PDCD6: variants seen among roughly 807,000 people sequenced by gnomAD.
PDCD6 encodes programmed cell death 6.
In PDCD6, 12 loss-of-function variants were observed where a neutral mutation model predicts 28.3. The ratio of observed to expected loss-of-function variants is 0.42; its 90% CI spans 0.27 to 0.69. The LOEUF is 0.69. Among genes scored for constraint, PDCD6 ranks in the 30% least tolerant of loss-of-function variants. The probability of loss-of-function intolerance (pLI) is 0.22; values close to 1 mark genes in which losing one functional copy is unlikely to be tolerated. For synonymous variants in PDCD6, 92 were observed against 108.0 expected (o/e 0.85, Z 0.92); for missense variants, 226 against 269.9 (o/e 0.84, Z 1.14).
chr5:287,749 T>G (rs1180441776), intron 2 of PDCD6, among the ~76,000 whole-genome samples: 2 of 152,232 alleles, frequency 1.3e-5, no homozygotes, highest in Non-Finnish European at 2.9e-5. Context: ...TATGCACCCC[T>G]AAAGCTTCAG....
Position 307,624 on chromosome 5 carries a change from G to T in PDCD6, c.367+864G>T, listed in dbSNP as rs1001313473. Among the ~76,000 whole-genome samples the T allele has an allele frequency of 1.3e-5, 2 of 152,208 alleles. No individual in the cohort carries two copies. Among genetic ancestry groups the T allele is most frequent in the African/African-American group, 4.8e-5 (2 of 41,464 alleles). ...GCATGTTTGGGGCCAGCCTGAGGCTGTTGGTGGCTGCACCGAGATTCTAAT... is the reference window on the plus strand; with the variant it reads ...GCATGTTTGGGGCCAGCCTGAGGCTTTTGGTGGCTGCACCGAGATTCTAAT... On this transcript the variant is annotated intron_variant, in intron 4 of 5. Coordinates refer to ENST00000264933, the MANE Select transcript of PDCD6 (RefSeq NM_013232.4). The surrounding 1 kb of genome is among the most constrained non-coding windows in gnomAD (Gnocchi z 6.1).
intron 2 of PDCD6, among the ~76,000 whole-genome samples, chr5:288,052 A>G (rs1389966325): frequency 2.0e-5 from 3 of 152,144 alleles, no homozygotes; most frequent in Non-Finnish European, 4.4e-5. Context: ...CCTCAGAAGT[A>G]TACAAAAGAA....
At chr5:289,822 A>G (rs1169667859) in intron 2 of PDCD6, 5 of 1,331,696 alleles carry the variant, frequency 3.8e-6, no homozygotes, top group Non-Finnish European at 5.4e-6. Flanking sequence ...AGGCCCATTT[A>G]CATTAGACCT....
intron 2 of PDCD6, among the ~76,000 whole-genome samples, chr5:285,494 C>T (rs1380110568): frequency 7.7e-6 from 1 of 129,230 alleles, no homozygotes; most frequent in African/African-American, 3.0e-5. Context: ...TTCCAGTTTG[C>T]AGGCCGTGCA....
intron 2 of PDCD6, among the ~76,000 whole-genome samples, chr5:284,850 A>G (rs1389154306): frequency 6.6e-6 from 1 of 150,958 alleles, no homozygotes; most frequent in Non-Finnish European, 1.5e-5. Flanking sequence ...TTCCAGTTTC[A>G]GGGCCGTGCA....
At chr5:299,956 G>A (rs1185178450) in intron 2 of PDCD6, among the ~76,000 whole-genome samples, 1 of 152,118 alleles carries the variant, frequency 6.6e-6, no homozygotes, top group Non-Finnish European at 1.5e-5. Context: ...ACAGTGCCCT[G>A]TAAAGTACAT....
Position 305,326 on chromosome 5 carries a change from G to C in PDCD6, c.208+1105G>C, listed in dbSNP as rs1339040093. On this transcript the variant is annotated intron_variant, in intron 3 of 5. Coordinates refer to ENST00000264933, the MANE Select transcript of PDCD6 (RefSeq NM_013232.4). The surrounding 1 kb of genome is among the most constrained non-coding windows in gnomAD (Gnocchi z 4.0). ...CCATCCATGCACGTGTTTTAGTCTTGTGAGGATTCCCTGAGTTCCTTGCGG... is the reference window on the plus strand; with the variant it reads ...CCATCCATGCACGTGTTTTAGTCTTCTGAGGATTCCCTGAGTTCCTTGCGG... 6.6e-6 allele frequency: 1 copy of C among 152,300 alleles called. No individual in the cohort carries two copies. Among genetic ancestry groups the C allele is most frequent in the Non-Finnish European group, 1.5e-5 (1 of 68,108 alleles). 9.4% of individuals were successfully genotyped at this position (152,300 alleles called of 1,614,324 possible).
At chr5:306,797 T>G in intron 4 of PDCD6, 37 bp downstream of exon 4, 1 of 1,591,816 alleles carries the variant, frequency 6.3e-7, no homozygotes, top group South Asian at 1.1e-5. Flanking sequence ...GCGTGTTTCA[T>G]TTTGGAACCT....
chr5:301,398 C>G (rs559656835), intron 2 of PDCD6, among the ~76,000 whole-genome samples: 143 of 152,320 alleles, frequency 9.4e-4, no homozygotes, highest in African/African-American at 3.3e-3. Context: ...GAGTTTTCCT[C>G]TTTCTTTGCC....
chr5:281,539 G>T (rs1376881577), intron 2 of PDCD6, among the ~76,000 whole-genome samples: 1 of 152,052 alleles, frequency 6.6e-6, no homozygotes, highest in Non-Finnish European at 1.5e-5. Context: ...GTTCTAGTTT[G>T]AGGGTCATGC....
intron 5 of PDCD6, among the ~76,000 whole-genome samples, chr5:312,734 C>T (rs1246325923): frequency 1.3e-5 from 2 of 151,724 alleles, no homozygotes; most frequent in African/African-American, 2.4e-5. Flanking sequence ...CACTTGAACC[C>T]GGGAGGTGGA....
rs985267660 is a variant in PDCD6, at chr5:275,187, G to A, written c.163+2415G>A. ...TGACCTCCCAACACTTTGGGAGGCC[G>A]AGGCAGGGGGATCCCTTGAGCCCAG... On this transcript the variant is annotated intron_variant, in intron 2 of 5. Transcript: ENST00000264933. Among the ~76,000 whole-genome samples, 78 of 152,294 alleles carry A rather than the reference G, an allele frequency of 5.1e-4. 1 individual carries two copies. The highest frequency in any genetic ancestry group is 1.7e-3 in the African/African-American group (70 of 41,566).
At chr5:272,823 G>T in intron 2 of PDCD6, 51 bp downstream of exon 2, 1 of 1,554,882 alleles carries the variant, frequency 6.4e-7, no homozygotes, top group Non-Finnish European at 8.7e-7. Flanking sequence ...CCGCGAGCCT[G>T]CCCTGTTCAC....
intron 2 of PDCD6, among the ~76,000 whole-genome samples, chr5:283,591 A>G (rs1338745290): frequency 4.3e-4 from 65 of 152,102 alleles, no homozygotes; most frequent in Non-Finnish European, 8.8e-5. Flanking sequence ...GTGCAGCTGA[A>G]GACTCGGGAA....
intron 2 of PDCD6, among the ~76,000 whole-genome samples, chr5:287,247 T>C (rs543724708): frequency 6.6e-6 from 1 of 152,214 alleles, no homozygotes; most frequent in East Asian, 1.9e-4. Flanking sequence ...TTCCTGGAGC[T>C]GGAATCCTGG....
At chr5:299,834 C>A (rs1739935474) in intron 2 of PDCD6, among the ~76,000 whole-genome samples, 1 of 151,752 alleles carries the variant, frequency 6.6e-6, no homozygotes, top group Admixed American at 6.5e-5. Flanking sequence ...CAGGCGCCAG[C>A]CACCGCGCCC....
chr5:277,451 G>A lies in PDCD6; in HGVS notation c.163+4679G>A, dbSNP rs1312554202. ...CGAGTAGCTGGGACTACAGGCACCC[G>A]CCACCATGCCTGGCTAATTTTTTGT... On this transcript the variant is annotated intron_variant, in intron 2 of 5. Coordinates refer to ENST00000264933, the MANE Select transcript of PDCD6 (RefSeq NM_013232.4). Among the ~76,000 whole-genome samples, 12 of 151,978 alleles carry A rather than the reference G, an allele frequency of 7.9e-5. No homozygotes were observed. The South Asian group carries it at 1.0e-3, about 13-fold the overall frequency.
intron 2 of PDCD6, among the ~76,000 whole-genome samples, chr5:295,699 C>G (rs557094871): frequency 6.8e-6 from 1 of 146,308 alleles, no homozygotes; most frequent in East Asian, 1.9e-4. Context: ...TGGTCATGAC[C>G]GCACTCAGGG....
rs367898994 is a variant in PDCD6, at chr5:306,593, C to A, written c.209-9C>A. The A allele has an allele frequency of 5.6e-6, 9 of 1,612,088 alleles. No homozygotes were observed. The East Asian group carries it at 2.0e-4, about 36-fold the overall frequency. On this transcript the variant is annotated splice_polypyrimidine_tract_variant and intron_variant, in intron 3 of 5. Transcript: ENST00000264933. ...TCTTTTGCTGCTTGACCGTTCCTCT[C>A]TGTCTCAGCCATGTTTGACCGTGAG...
Sources: allele counts gnomAD v4.1 joint callset (sites outside exome capture counted in the v4.1 genomes callset), GRCh38; gene constraint gnomAD v4.1.1; non-coding constraint Gnocchi (gnomAD v3.1); transcripts MANE v1.5; gene names NCBI Gene and HGNC (gene_info 2026-07-23, HGNC 2026-07-21).